CLPTM1L: variants seen among roughly 807,000 people sequenced by gnomAD.
CLPTM1L encodes lipid scramblase CLPTM1L.
In CLPTM1L, 38 loss-of-function variants were observed where a neutral mutation model predicts 70.9. That is an observed-to-expected ratio of 0.54 (90% CI 0.41 to 0.70). CLPTM1L has a LOEUF of 0.70. Ranked by LOEUF, CLPTM1L falls within the 30% of genes least tolerant of loss-of-function variation. The pLI is 0.00. For synonymous variants in CLPTM1L, 339 were observed against 299.9 expected, an observed-to-expected ratio of 1.13 and a Z score of -1.35; for missense variants, 652 against 705.9, an observed-to-expected ratio of 0.92 and a Z score of 0.87.
intron 13 of CLPTM1L, 28 bp downstream of exon 13, chr5:1,322,849 A>G: frequency 1.2e-6 from 2 of 1,609,906 alleles, no homozygotes. Context: ...AAACACTAGT[A>G]CTGAAGCAGG....
At chr5:1,335,829 G>A (rs1033876535) in intron 5 of CLPTM1L, among the ~76,000 whole-genome samples, 6 of 152,166 alleles carry the variant, frequency 3.9e-5, no homozygotes, top group East Asian at 1.9e-4. Context: ...GTTCACAAGC[G>A]CGAGCCCACA....
At chr5:1,320,546 C>T (rs948713403) in intron 16 of CLPTM1L, 70 bp downstream of exon 16, 23 of 808,476 alleles carry the variant, frequency 2.8e-5, no homozygotes, top group South Asian at 2.2e-4. Context: ...CGGTGAAAGC[C>T]GTCATTCCGT....
chr5:1,333,997 A>C (rs984281864), intron 7 of CLPTM1L, among the ~76,000 whole-genome samples: 2 of 152,132 alleles, frequency 1.3e-5, no homozygotes, highest in Non-Finnish European at 2.9e-5. Context: ...GACACTGCTC[A>C]GAGTACCCTG....
In CLPTM1L at chr5:1,341,628, G is replaced by C. The variant is rs368271917; in HGVS notation, c.453+43C>G. 8.5e-6 allele frequency: 13 copies of C among 1,520,782 alleles called. 1 individual carries two copies. The highest frequency in any genetic ancestry group is 1.7e-4 in the Middle Eastern group (1 of 5,752). 94.2% of individuals were successfully genotyped at this position (1,520,782 alleles called of 1,614,324 possible). ...TGGAGAAAGACATGTCCGTTCTGAC[G>C]GAGAGGCACAGCCTGTTATCAGTAA... On this transcript the variant is annotated intron_variant, in intron 3 of 16. Coordinates refer to ENST00000320895, the MANE Select transcript of CLPTM1L (RefSeq NM_030782.5).
At chr5:1,332,473 T>C (rs1753158373) in intron 7 of CLPTM1L, 1 of 152,362 alleles carries the variant, frequency 6.6e-6, no homozygotes, top group Non-Finnish European at 1.5e-5. Context: ...TTGGAAAGTT[T>C]TAGCTTGACT....
Position 1,344,838 on chromosome 5 carries a change from A to G in CLPTM1L, c.4T>C (p.Trp2Arg). M[W>R]SGRSSFTSLV... is the part of the protein sequence containing the mutation. ...CTGGTGAAGGAGCTGCGGCCGCTCC[A>G]CATGGCGGCCCCGCGCCCGGCGCCC... Residue 2 changes from tryptophan to arginine, a missense_variant, in exon 1 of 17, where the codon TGG becomes CGG. Transcript: ENST00000320895. 2.6e-6 allele frequency: 4 copies of G among 1,518,234 alleles called. No homozygotes were observed. The highest frequency in any genetic ancestry group is 3.5e-6 in the Non-Finnish European group (4 of 1,136,176). 94.0% of individuals were successfully genotyped at this position (1,518,234 alleles called of 1,614,324 possible). A position where few individuals can be genotyped will look rare whatever the true frequency, so the allele number is the denominator to read the frequency against.
intron 11 of CLPTM1L, 132 bp downstream of exon 11, chr5:1,324,631 G>A (rs1224968556): frequency 2.3e-6 from 2 of 881,152 alleles, no homozygotes; most frequent in East Asian, 2.5e-5. Context: ...TTCACTCTTG[G>A]GATCCCTGCT....
chr5:1,343,314 G>A (rs961976889), intron 2 of CLPTM1L, among the ~76,000 whole-genome samples: 1 of 152,214 alleles, frequency 6.6e-6, no homozygotes, highest in Non-Finnish European at 1.5e-5. Flanking sequence ...TTCAGGCAGA[G>A]GGTGCAGGGC....
intron 3 of CLPTM1L, among the ~76,000 whole-genome samples, chr5:1,340,198 A>G (rs1753852968): frequency 1.3e-5 from 2 of 152,166 alleles, no homozygotes; most frequent in Non-Finnish European, 2.9e-5. Flanking sequence ...TCAGAAGTTG[A>G]GAGGGTGAGA....
At chr5:1,325,491 T>C in intron 10 of CLPTM1L, 1 of 527,460 alleles carries the variant, frequency 1.9e-6, no homozygotes, top group Non-Finnish European at 3.4e-6. Flanking sequence ...CCAGCCAGCA[T>C]CCTTCCTCCC....
At chr5:1,344,600 G>C (rs1038386645) in intron 1 of CLPTM1L, 80 bp downstream of exon 1, 4 of 1,494,552 alleles carry the variant, frequency 2.7e-6, no homozygotes, top group African/African-American at 2.8e-5. Flanking sequence ...CTCCGAACTG[G>C]GACGGGAAGG....
intron 16 of CLPTM1L, among the ~76,000 whole-genome samples, chr5:1,320,021 G>A (rs421629): frequency 0.49 from 74,204 of 152,062 alleles, 19,909 homozygotes; most frequent in African/African-American, 0.71. Flanking sequence ...CTCTGCATTT[G>A]GAAAATTCCG....
chr5:1,320,132 G>A (rs380286), intron 16 of CLPTM1L: 69,590 of 152,698 alleles, frequency 0.46, 16,906 homozygotes, highest in African/African-American at 0.6. Context: ...AGAGGTCCAC[G>A]CAATGCAGTC....
In CLPTM1L at chr5:1,325,795, A is replaced by G; in HGVS notation, c.1102T>C (p.Leu368=). 1 of 1,614,026 alleles carries G rather than the reference A, an allele frequency of 6.2e-7. No homozygotes were observed. The change falls in exon 10 of 17, where the codon TTG becomes CTG. Residue 368 remains leucine, a synonymous_variant. Transcript: ENST00000320895. ...CCTCTCCAAAAAATAGTCATCTTCAATGCCTTCTTCACTTTCCACAGCTGA... is the reference window on the plus strand; with the variant it reads ...CCTCTCCAAAAAATAGTCATCTTCAGTGCCTTCTTCACTTTCCACAGCTGA... ...AIELWKVKKA[L]KMTIFWRGLM...
chr5:1,341,585 A>C, intron 3 of CLPTM1L, 86 bp downstream of exon 3: 3 of 1,204,150 alleles, frequency 2.5e-6, no homozygotes, highest in Non-Finnish European at 3.5e-6. Flanking sequence ...CTGGAGCCCT[A>C]GACATCGCCC....
chr5:1,335,005 C>T lies in CLPTM1L; in HGVS notation c.796+52G>A, dbSNP rs920132688. The T allele has an allele frequency of 1.9e-5, 28 of 1,443,776 alleles. No individual in the cohort carries two copies. The African/African-American group carries it at 2.9e-4, about 15-fold the overall frequency. The allele number at this position is 1,443,776 out of a possible 1,614,324, so 89.4% of individuals were successfully genotyped here. A position where few individuals can be genotyped will look rare whatever the true frequency, so the allele number is the denominator to read the frequency against. On this transcript the variant is annotated intron_variant, in intron 6 of 16. Transcript: ENST00000320895. ...GTGTCAGGATTCGCACTTGGATGCC[C>T]GAGGGGCTCCAGGGCGGCCTCACCC...
intron 11 of CLPTM1L, among the ~76,000 whole-genome samples, chr5:1,324,248 G>A (rs912078560): frequency 2.0e-5 from 3 of 152,212 alleles, no homozygotes; most frequent in Non-Finnish European, 1.5e-5. Context: ...GCTTTACAAC[G>A]CCATGCAAGT....
chr5:1,333,891 G>C (rs1446626095), intron 7 of CLPTM1L, among the ~76,000 whole-genome samples: 1 of 152,210 alleles, frequency 6.6e-6, no homozygotes, highest in South Asian at 2.1e-4. Flanking sequence ...ACTACTTTCT[G>C]CTAGAGGCTG....
At chr5:1,330,498 C>G (rs540756947) in intron 8 of CLPTM1L, 115 bp from the exon 9 acceptor site, 1 of 735,806 alleles carries the variant, frequency 1.4e-6, no homozygotes, top group Non-Finnish European at 2.4e-6. Context: ...CAAGAAGCTT[C>G]AGGTACTCCC....
Sources: allele counts gnomAD v4.1 joint callset (sites outside exome capture counted in the v4.1 genomes callset), GRCh38; gene constraint gnomAD v4.1.1; transcripts MANE v1.5; gene names NCBI Gene and HGNC (gene_info 2026-07-23, HGNC 2026-07-21).